The following UBE3A variants were observed in gnomAD, a reference collection of about 807,000 sequenced individuals.
UBE3A encodes ubiquitin-protein ligase E3A.
A neutral mutation model predicts 83.4 loss-of-function variants in UBE3A; 6 were observed. The ratio of observed to expected loss-of-function variants is 0.07; its 90% CI spans 0.04 to 0.14. The LOEUF (loss-of-function observed/expected upper bound fraction) is 0.14. Ranked by LOEUF, UBE3A falls within the 10% of genes least tolerant of loss-of-function variation. The pLI is 1.00. For missense variants in UBE3A, 456 were observed against 1,036.1 expected (o/e 0.44, Z 7.69); for synonymous variants, 337 against 355.4 (o/e 0.95, Z 0.58).
rs1361981410 is a variant in UBE3A, at chr15:25,335,915, T to A, written c.*3222A>T. ...AGAAGCAACAGCCCAAGCTAGGGTG[T>A]TGTCAAGGTTATAGATGTTACTGAT... On this transcript the variant is annotated 3_prime_UTR_variant, in exon 13 of 13. Coordinates refer to ENST00000648336, the MANE Select transcript of UBE3A (RefSeq NM_130839.5). The A allele has an allele frequency of 6.6e-6, 1 of 152,128 alleles. No individual in the cohort carries two copies. Among genetic ancestry groups the A allele is most frequent in the Non-Finnish European group, 1.5e-5 (1 of 68,026 alleles). The allele number at this position is 152,128 out of a possible 1,614,324, so 9.4% of individuals were successfully genotyped here.
chr15:25,420,556 A>T (rs1160501356), intron 1 of UBE3A: 7 of 152,158 alleles, frequency 4.6e-5, no homozygotes, highest in Non-Finnish European at 7.4e-5. Flanking sequence ...ACAAAAGAAA[A>T]CTTCTCAACA....
At position 25,337,961 on chromosome 15, in the gene UBE3A, T is replaced by A. The variant is rs1392436667; in HGVS notation, c.*1176A>T. 2.0e-5 allele frequency: 3 copies of A among 152,128 alleles called. No individual in the cohort carries two copies. Among genetic ancestry groups the A allele is most frequent in the African/African-American group, 4.8e-5 (2 of 41,438 alleles). The allele number at this position is 152,128 out of a possible 1,614,324, so 9.4% of individuals were successfully genotyped here. A position where few individuals can be genotyped will look rare whatever the true frequency, so the allele number is the denominator to read the frequency against. ...GAATTAATTAATTAAATTTAATCTGTGGGGCTATACAATGTAATTCTTAGG... is the reference window on the plus strand; with the variant it reads ...GAATTAATTAATTAAATTTAATCTGAGGGGCTATACAATGTAATTCTTAGG... On this transcript the variant is annotated 3_prime_UTR_variant, in exon 13 of 13. Coordinates refer to ENST00000648336, the MANE Select transcript of UBE3A (RefSeq NM_130839.5).
chr15:25,429,596 C>T (rs1892452200), intron 1 of UBE3A, among the ~76,000 whole-genome samples: 1 of 152,026 alleles, frequency 6.6e-6, no homozygotes, highest in African/African-American at 2.4e-5. Flanking sequence ...TGTCTATAAT[C>T]CCAGCACTTT....
At chr15:25,393,027 TA>T (rs2084767626) in intron 4 of UBE3A, among the ~76,000 whole-genome samples, 1 of 151,960 alleles carries the variant, frequency 6.6e-6, no homozygotes, top group South Asian at 2.1e-4. Context: ...AGATAAGAAC[TA>T]AAACACAAGG....
At chr15:25,362,609 A>G (rs1023969950) in intron 6 of UBE3A, among the ~76,000 whole-genome samples, 8 of 152,214 alleles carry the variant, frequency 5.3e-5, no homozygotes, top group Admixed American at 5.2e-4. Flanking sequence ...CAAGATCTAG[A>G]GTCAAACAAA....
chr15:25,416,260 A>C (rs2090897838), intron 1 of UBE3A, among the ~76,000 whole-genome samples: 1 of 152,222 alleles, frequency 6.6e-6, no homozygotes, highest in Admixed American at 6.5e-5. Context: ...AAAAATGATT[A>C]AATGTCCGTA....
chr15:25,347,931 G>A (rs189993872), intron 11 of UBE3A, among the ~76,000 whole-genome samples: 1 of 152,008 alleles, frequency 6.6e-6, no homozygotes, highest in Non-Finnish European at 1.5e-5. Context: ...GAGACTAACA[G>A]TTTTTATTAA....
Position 25,409,221 on chromosome 15 carries a change from C to G in UBE3A, c.-100-14G>C. The G allele has an allele frequency of 4.0e-6, 4 of 999,664 alleles. No homozygotes were observed. Among genetic ancestry groups the G allele is most frequent in the Non-Finnish European group, 6.1e-6 (4 of 660,976 alleles). The allele number at this position is 999,664 out of a possible 1,614,324, so 61.9% of individuals were successfully genotyped here. A position where few individuals can be genotyped will look rare whatever the true frequency, so the allele number is the denominator to read the frequency against. ...GGCTTAATAACTCTAATAAATTAAA[C>G]AAACCTTTGGTTAGAACACTTTAAT... On this transcript the variant is annotated splice_polypyrimidine_tract_variant and intron_variant, in intron 2 of 12. Coordinates refer to ENST00000648336, the MANE Select transcript of UBE3A (RefSeq NM_130839.5).
chr15:25,339,139 A>G lies in UBE3A; in HGVS notation c.2617T>C (p.Ter873GlnextTer44). Residue 873 changes from the stop codon to glutamine (Q), a stop_lost, in exon 13 of 13, where the codon TAA becomes CAA. Transcript: ENST00000648336. ...GTTTTATTTTGTTTTGTTTTGTTTTACAGCATGCCAAATCCTTTGGCATAC... is the reference window on the plus strand; with the variant it reads ...GTTTTATTTTGTTTTGTTTTGTTTTGCAGCATGCCAAATCCTTTGGCATAC... ...ITYAKGFGML[*>Q] is the part of the protein sequence containing the mutation. 6.4e-7 allele frequency: 1 copy of G among 1,551,822 alleles called. No individual in the cohort carries two copies. The highest frequency in any genetic ancestry group is 1.2e-5 in the South Asian group (1 of 80,726).
At chr15:25,405,672 A>G (rs2088352578) in intron 3 of UBE3A, 170 bp from the exon 4 acceptor site, 2 of 676,892 alleles carry the variant, frequency 3.0e-6, no homozygotes, top group South Asian at 1.8e-5. Flanking sequence ...AGGTGGCCAT[A>G]CAACACATTT....
chr15:25,407,089 G>A, intron 3 of UBE3A: 3 of 1,350,676 alleles, frequency 2.2e-6, no homozygotes, highest in Non-Finnish European at 2.9e-6. Context: ...AGCCTTGTGG[G>A]TAAGTACCCC....
chr15:25,379,809 A>G (rs998936820), intron 4 of UBE3A, among the ~76,000 whole-genome samples: 12 of 152,324 alleles, frequency 7.9e-5, no homozygotes, highest in Non-Finnish European at 1.3e-4. Flanking sequence ...AGAATATTTT[A>G]CATTTTTAAA....
At chr15:25,398,512 T>G (rs76938976) in intron 4 of UBE3A, among the ~76,000 whole-genome samples, 3,257 of 151,944 alleles carry the variant, frequency 0.021, 108 homozygotes, top group African/African-American at 0.074. Flanking sequence ...TGAGTTAAGA[T>G]TCCACATTTA....
In UBE3A at chr15:25,339,086, TTTTC is replaced by T. The variant is rs1281280131; in HGVS notation, c.*47_*50del. The T allele has an allele frequency of 8.1e-6, 12 of 1,480,188 alleles. No individual in the cohort carries two copies. The highest frequency in any genetic ancestry group is 2.9e-5 in the African/African-American group (2 of 69,834). The allele number at this position is 1,480,188 out of a possible 1,614,324, so 91.7% of individuals were successfully genotyped here. On this transcript the variant is annotated 3_prime_UTR_variant, in exon 13 of 13. Coordinates refer to ENST00000648336, the MANE Select transcript of UBE3A (RefSeq NM_130839.5). ...TTATATTTTTAAAATTTTTTAAATT[TTTTC>T]TTTTTTTTTCCTTCCTTTTTTTTGT...
intron 4 of UBE3A, among the ~76,000 whole-genome samples, chr15:25,396,492 A>G (rs1445045741): frequency 6.6e-6 from 1 of 152,078 alleles, no homozygotes; most frequent in Non-Finnish European, 1.5e-5. Context: ...GCATGGTGGC[A>G]CATGCCTGTA....
chr15:25,398,793 AT>A (rs1361626076), intron 4 of UBE3A, among the ~76,000 whole-genome samples: 4 of 70,906 alleles, frequency 5.6e-5, no homozygotes, highest in African/African-American at 1.9e-4. Context: ...ATATATATAT[AT>A]ATATATATAT....
At chr15:25,369,402 T>C (rs950911429) in intron 6 of UBE3A, among the ~76,000 whole-genome samples, 3 of 149,550 alleles carry the variant, frequency 2.0e-5, no homozygotes, top group African/African-American at 7.4e-5. Context: ...ACAAAATCTC[T>C]GCAATTTTTA....
chr15:25,341,544 AC>A (rs2074797962), intron 11 of UBE3A, among the ~76,000 whole-genome samples: 1 of 151,650 alleles, frequency 6.6e-6, no homozygotes, highest in Non-Finnish European at 1.5e-5. Context: ...CCAGTGGATC[AC>A]CTGAGGTCAG....
chr15:25,398,906 T>C (rs1378002625), intron 4 of UBE3A, among the ~76,000 whole-genome samples: 2 of 149,532 alleles, frequency 1.3e-5, no homozygotes, highest in East Asian at 3.9e-4. Flanking sequence ...TTTCCATAAA[T>C]GCTGTACTAA....
Sources: gnomAD v4.1 joint callset for allele counts (sites outside exome capture counted in the v4.1 genomes callset) on GRCh38, gnomAD v4.1.1 for gene constraint, MANE v1.5 for transcripts, NCBI Gene and HGNC (gene_info 2026-07-23, HGNC 2026-07-21) for gene names.